DISC1: variants seen among roughly 807,000 people sequenced by gnomAD.
The protein encoded by DISC1 is DISC1 scaffold protein.
Under a neutral mutation model 84.5 loss-of-function variants are expected in DISC1, and 57 were observed. That is an observed-to-expected ratio of 0.67 (90% CI 0.55 to 0.84). The LOEUF is 0.84. Ranked by LOEUF, DISC1 falls within the 40% of genes least tolerant of loss-of-function variation. The probability of loss-of-function intolerance (pLI) is 0.00; values close to 1 mark genes in which losing one functional copy is unlikely to be tolerated. For synonymous variants in DISC1, 411 were observed against 415.2 expected (o/e 0.99, Z 0.12); for missense variants, 1,000 against 1,057.8 (o/e 0.95, Z 0.76).
At chr1:231,738,433 G>A (rs1225693815) in intron 3 of DISC1, among the ~76,000 whole-genome samples, 1 of 152,186 alleles carries the variant, frequency 6.6e-6, no homozygotes, top group East Asian at 1.9e-4. Context: ...GTTTTCAGGA[G>A]TGTAGACCTT....
At chr1:231,923,319 C>A (rs821718) in intron 9 of DISC1, among the ~76,000 whole-genome samples, 81,059 of 144,870 alleles carry the variant, frequency 0.56, 22,952 homozygotes, top group Non-Finnish European at 0.63. Context: ...AAAAAAAAAA[C>A]AAAAAGAAAA....
intron 6 of DISC1, among the ~76,000 whole-genome samples, chr1:231,776,379 C>T (rs754308159): frequency 2.0e-5 from 3 of 152,166 alleles, no homozygotes; most frequent in South Asian, 2.1e-4. Flanking sequence ...GATGAATTGT[C>T]GCTTGTTGTG....
At chr1:231,917,553 G>A (rs549283182) in intron 9 of DISC1, among the ~76,000 whole-genome samples, 29 of 152,326 alleles carry the variant, frequency 1.9e-4, no homozygotes, top group African/African-American at 7.0e-4. Context: ...AGTTAGGAGA[G>A]CTATGTTCAC....
chr1:231,723,447 C>T (rs764147952), intron 3 of DISC1: 28 of 985,410 alleles, frequency 2.8e-5, no homozygotes, highest in Non-Finnish European at 3.3e-5. Context: ...TACGACCTTA[C>T]TCTTTGTGCA....
chr1:231,801,495 G>C (rs978540307), intron 8 of DISC1, among the ~76,000 whole-genome samples: 3 of 152,214 alleles, frequency 2.0e-5, no homozygotes, highest in Admixed American at 1.3e-4. Flanking sequence ...TGCGTATGGC[G>C]CAGGTTTCCT....
At chr1:231,793,701 T>C (rs1028814484) in intron 6 of DISC1, among the ~76,000 whole-genome samples, 2 of 152,218 alleles carry the variant, frequency 1.3e-5, no homozygotes, top group Non-Finnish European at 2.9e-5. Context: ...TTCTTTCATA[T>C]TGCTCTCTTG....
At chr1:231,830,148 A>C (rs2082125812) in intron 9 of DISC1, among the ~76,000 whole-genome samples, 1 of 152,158 alleles carries the variant, frequency 6.6e-6, no homozygotes, top group African/African-American at 2.4e-5. Flanking sequence ...TGGGATGGTG[A>C]AAAGTTTTGG....
At chr1:231,816,919 C>T (rs1471101720) in intron 8 of DISC1, among the ~76,000 whole-genome samples, 1 of 151,714 alleles carries the variant, frequency 6.6e-6, no homozygotes, top group Non-Finnish European at 1.5e-5. Flanking sequence ...TTCGTCTTCT[C>T]CTTCCTTCCC....
rs1670771497 is a variant in DISC1 at position 232,041,191 on chromosome 1, T to TTCA, written c.*4363_*4365dup. The TTCA allele has an allele frequency of 6.6e-6, 1 of 152,232 alleles. No individual in the cohort carries two copies. The highest frequency in any genetic ancestry group is 1.5e-5 in the Non-Finnish European group (1 of 68,048). The allele number at this position is 152,232 out of a possible 1,614,324, so 9.4% of individuals were successfully genotyped here. ...ATGATAGAAAAATGTATCAGGTTTA[T>TTCA]TCATCTCATCTTTCTGTTACAGGAT... On this transcript the variant is annotated 3_prime_UTR_variant, in exon 13 of 13. Transcript: ENST00000439617.
chr1:231,841,544 C>T (rs1008700713), intron 9 of DISC1, among the ~76,000 whole-genome samples: 5 of 152,200 alleles, frequency 3.3e-5, no homozygotes, highest in African/African-American at 1.2e-4. Flanking sequence ...TACAAATGTG[C>T]AAATGTTCTA....
chr1:231,922,056 G>A (rs1379338662), intron 9 of DISC1, among the ~76,000 whole-genome samples: 3 of 151,994 alleles, frequency 2.0e-5, no homozygotes, highest in Non-Finnish European at 2.9e-5. Flanking sequence ...AATAGAATGC[G>A]GCCACCTAAA....
At chr1:231,847,897 G>A (rs147743121) in intron 9 of DISC1, among the ~76,000 whole-genome samples, 259 of 152,268 alleles carry the variant, frequency 1.7e-3, no homozygotes, top group Middle Eastern at 6.8e-3. Flanking sequence ...GCAATCCCCA[G>A]CAGATAGTGT....
chr1:231,640,578 G>T (rs1324667639), intron 1 of DISC1, among the ~76,000 whole-genome samples: 1 of 150,672 alleles, frequency 6.6e-6, no homozygotes, highest in African/African-American at 2.5e-5. Context: ...GCCCATGCTG[G>T]AGTGCAGTGG....
At chr1:231,669,706 T>A (rs1473328198) in intron 1 of DISC1, among the ~76,000 whole-genome samples, 2 of 151,646 alleles carry the variant, frequency 1.3e-5, no homozygotes, top group East Asian at 3.9e-4. Flanking sequence ...TGGATATTAT[T>A]AAAAAGTAAA....
At chr1:231,680,315 G>T (rs2063563609) in intron 1 of DISC1, among the ~76,000 whole-genome samples, 2 of 152,144 alleles carry the variant, frequency 1.3e-5, no homozygotes, top group Non-Finnish European at 2.9e-5. Flanking sequence ...TATAAAAGAA[G>T]GGTCCTCAAG....
intron 1 of DISC1, among the ~76,000 whole-genome samples, chr1:231,664,950 G>A (rs539208154): frequency 1.3e-5 from 2 of 151,750 alleles, no homozygotes; most frequent in Non-Finnish European, 2.9e-5. Context: ...TAAAATATAT[G>A]TAGATACTAG....
At chr1:232,010,113 A>T (rs1423735227) in intron 11 of DISC1, among the ~76,000 whole-genome samples, 2 of 152,168 alleles carry the variant, frequency 1.3e-5, no homozygotes, top group East Asian at 3.9e-4. Flanking sequence ...CCATGGTCTT[A>T]TAAGAAAGCA....
At chr1:231,874,514 C>T (rs1391830282) in intron 9 of DISC1, among the ~76,000 whole-genome samples, 1 of 152,122 alleles carries the variant, frequency 6.6e-6, no homozygotes, top group Non-Finnish European at 1.5e-5. Context: ...CTTCCTAACT[C>T]ACTCTCATTG....
At chr1:231,702,539 A>ATTTG (rs2066548819) in intron 3 of DISC1, 2 of 985,668 alleles carry the variant, frequency 2.0e-6, no homozygotes, top group South Asian at 9.4e-5. Flanking sequence ...AGGGGGTCAC[A>ATTTG]TGCATCAAAT....
Sources: gnomAD v4.1 joint callset for allele counts (sites outside exome capture counted in the v4.1 genomes callset) on GRCh38, gnomAD v4.1.1 for gene constraint, MANE v1.5 for transcripts, NCBI Gene and HGNC (gene_info 2026-07-23, HGNC 2026-07-21) for gene names.